Variants in TNR observed in about 807,000 individuals in gnomAD.
TNR encodes tenascin R.
A neutral mutation model predicts 150.4 loss-of-function variants in TNR; 45 were observed. That is an observed-to-expected ratio of 0.30 (90% CI 0.24 to 0.38). The LOEUF (loss-of-function observed/expected upper bound fraction) is 0.38. Among genes scored for constraint, TNR ranks in the 10% least tolerant of loss-of-function variants. The probability of loss-of-function intolerance (pLI) is 1.00; values close to 1 mark genes in which losing one functional copy is unlikely to be tolerated. For missense variants in TNR, 1,544 were observed against 1,759.1 expected (o/e 0.88, Z 2.19); for synonymous variants, 687 against 678.4 (o/e 1.01, Z -0.20).
At chr1:175,499,399 T>G (rs1289002389) in intron 2 of TNR, among the ~76,000 whole-genome samples, 2 of 152,190 alleles carry the variant, frequency 1.3e-5, no homozygotes, top group Non-Finnish European at 1.5e-5. Context: ...GCAAGGCTGA[T>G]GGGAGATGAC....
intron 2 of TNR, among the ~76,000 whole-genome samples, chr1:175,451,628 G>C (rs961480074): frequency 6.6e-6 from 1 of 152,204 alleles, no homozygotes; most frequent in Non-Finnish European, 1.5e-5. Flanking sequence ...CAGAGGAGCA[G>C]ACATGTGGAA....
intron 18 of TNR, among the ~76,000 whole-genome samples, chr1:175,348,770 G>A (rs1226070055): frequency 1.3e-5 from 2 of 152,140 alleles, no homozygotes; most frequent in East Asian, 1.9e-4. Context: ...TATAAAATAG[G>A]CTAAATATAG....
At chr1:175,731,874 A>G (rs6688988) in intron 1 of TNR, among the ~76,000 whole-genome samples, 48,107 of 152,162 alleles carry the variant, frequency 0.32, 8,173 homozygotes, top group African/African-American at 0.45. Flanking sequence ...AGGCCTGCCC[A>G]GACCCCAGTG....
chr1:175,382,288 T>G (rs568686595), intron 8 of TNR, among the ~76,000 whole-genome samples: 1 of 152,146 alleles, frequency 6.6e-6, no homozygotes, highest in African/African-American at 2.4e-5. Flanking sequence ...CACATCAAGT[T>G]GTAGAAAAGT....
At chr1:175,379,373 A>G (rs1046031251) in intron 9 of TNR, among the ~76,000 whole-genome samples, 179 bp downstream of exon 9, 6 of 152,296 alleles carry the variant, frequency 3.9e-5, no homozygotes, top group Admixed American at 1.3e-4. Flanking sequence ...AGGAGATGTT[A>G]GTAGCTTAGA....
intron 1 of TNR, among the ~76,000 whole-genome samples, chr1:175,665,891 T>TTAAAA (rs554075502): frequency 1.8e-3 from 275 of 152,304 alleles, no homozygotes; most frequent in African/African-American, 6.4e-3. Context: ...CTGAGTCTGC[T>TTAAAA]TAAAAGAGTC....
chr1:175,426,085 C>A (rs1654956176), intron 2 of TNR, among the ~76,000 whole-genome samples: 1 of 152,188 alleles, frequency 6.6e-6, no homozygotes, highest in East Asian at 1.9e-4. Context: ...CAGGAGCCTG[C>A]TGAGGTCAGG....
rs533562476 is a variant in TNR, at chr1:175,655,179, G to A, written c.-165+88047C>T. On this transcript the variant is annotated intron_variant, in intron 1 of 22. Coordinates refer to ENST00000367674, the MANE Select transcript of TNR (RefSeq NM_003285.3). ...GGATGGTGGCTTGTTCACTGTTACA[G>A]CCCATGTATACCTGAAGGGCAACAT... 6.1e-4 allele frequency among the ~76,000 whole-genome samples: 93 copies of A among 152,238 alleles called. 1 individual carries two copies. The highest frequency in any genetic ancestry group is 1.2e-3 in the Non-Finnish European group (83 of 68,024).
intron 3 of TNR, among the ~76,000 whole-genome samples, chr1:175,405,936 C>G (rs1239113988): frequency 6.6e-6 from 1 of 152,156 alleles, no homozygotes; most frequent in East Asian, 1.9e-4. Flanking sequence ...CCTGACTCAT[C>G]CCCCCAAAAT....
At chr1:175,413,182 T>C (rs980796698) in intron 2 of TNR, among the ~76,000 whole-genome samples, 4 of 152,206 alleles carry the variant, frequency 2.6e-5, no homozygotes, top group African/African-American at 9.6e-5. Context: ...TGTGCCACCA[T>C]GCCCAGCTAA....
chr1:175,492,368 T>C (rs1326519712), intron 2 of TNR, among the ~76,000 whole-genome samples: 1 of 152,244 alleles, frequency 6.6e-6, no homozygotes, highest in Non-Finnish European at 1.5e-5. Flanking sequence ...AGGTGGGTTT[T>C]CTGATAGGCT....
intron 1 of TNR, among the ~76,000 whole-genome samples, chr1:175,610,847 A>T (rs749527821): frequency 1.3e-5 from 2 of 152,212 alleles, no homozygotes; most frequent in African/African-American, 4.8e-5. Flanking sequence ...CCTGGAGGAG[A>T]TGCCACCACT....
chr1:175,468,730 T>C (rs901172727), intron 2 of TNR, among the ~76,000 whole-genome samples: 3 of 152,054 alleles, frequency 2.0e-5, no homozygotes, highest in Non-Finnish European at 4.4e-5. Flanking sequence ...ATCAGCATGG[T>C]GTGTTTAAAG....
At chr1:175,342,035 T>C (rs1015242683) in intron 18 of TNR, among the ~76,000 whole-genome samples, 1 of 152,240 alleles carries the variant, frequency 6.6e-6, no homozygotes, top group Non-Finnish European at 1.5e-5. Flanking sequence ...GTTTATACTC[T>C]TACTAATTCA....
chr1:175,692,255 T>C (rs1666389691), intron 1 of TNR, among the ~76,000 whole-genome samples: 1 of 138,204 alleles, frequency 7.2e-6, no homozygotes, highest in African/African-American at 2.8e-5. Context: ...GTCGGGACAC[T>C]CCAGGACTGG....
At chr1:175,352,079 G>GC (rs1651080708) in intron 18 of TNR, among the ~76,000 whole-genome samples, 1 of 152,122 alleles carries the variant, frequency 6.6e-6, no homozygotes, top group Non-Finnish European at 1.5e-5. Context: ...TCCTACTGAG[G>GC]CCCCAGGTGG....
At chr1:175,574,271 C>G (rs1446746347) in intron 1 of TNR, among the ~76,000 whole-genome samples, 3 of 152,220 alleles carry the variant, frequency 2.0e-5, no homozygotes, top group Non-Finnish European at 2.9e-5. Flanking sequence ...CTTCTCCTTT[C>G]TCCCCACCCT....
intron 3 of TNR, among the ~76,000 whole-genome samples, chr1:175,405,881 C>G (rs1353021102): frequency 6.6e-6 from 1 of 152,128 alleles, no homozygotes; most frequent in Non-Finnish European, 1.5e-5. Context: ...ACATCAAATT[C>G]CCTGCTCGCC....
At chr1:175,325,539 A>G (rs1649329137) in intron 21 of TNR, among the ~76,000 whole-genome samples, 1 of 152,266 alleles carries the variant, frequency 6.6e-6, no homozygotes. Flanking sequence ...AAGGATTATC[A>G]GTCATTCCGC....
Sources: gnomAD v4.1 joint callset for allele counts (sites outside exome capture counted in the v4.1 genomes callset) on GRCh38, gnomAD v4.1.1 for gene constraint, MANE v1.5 for transcripts, NCBI Gene and HGNC (gene_info 2026-07-23, HGNC 2026-07-21) for gene names.